Variants in PARP8 observed in about 807,000 individuals in gnomAD.
PARP8 encodes the protein poly(ADP-ribose) polymerase family member 8.
A neutral mutation model predicts 124.1 loss-of-function variants in PARP8; 51 were observed. The observed-to-expected ratio is 0.41, with a 90% CI of 0.33 to 0.52. The LOEUF (loss-of-function observed/expected upper bound fraction) is 0.52. PARP8 is among the 20% of genes least tolerant of loss of function. The pLI, the probability that PARP8 is intolerant of heterozygous loss-of-function variation, is 0.21. For synonymous variants in PARP8, 391 were observed against 361.5 expected, an observed-to-expected ratio of 1.08 and a Z score of -0.93; for missense variants, 860 against 1,018.9, an observed-to-expected ratio of 0.84 and a Z score of 2.12.
intron 2 of PARP8, among the ~76,000 whole-genome samples, chr5:50,677,278 A>AT (rs1354673826): frequency 6.6e-6 from 1 of 150,476 alleles, no homozygotes; most frequent in Non-Finnish European, 1.5e-5. Flanking sequence ...TGCAGTCATC[A>AT]TTTCTCATTA....
chr5:50,830,723 T>TACAG (rs1408465545), intron 22 of PARP8, among the ~76,000 whole-genome samples: 2 of 152,228 alleles, frequency 1.3e-5, no homozygotes, highest in Non-Finnish European at 2.9e-5. Flanking sequence ...TCTCCTTTAC[T>TACAG]ACAGCTTCAG....
At chr5:50,676,046 A>G (rs904436821) in intron 2 of PARP8, among the ~76,000 whole-genome samples, 51 of 152,244 alleles carry the variant, frequency 3.3e-4, no homozygotes, top group Admixed American at 2.0e-4. Flanking sequence ...AAACAATATA[A>G]AACAGTTTTA....
intron 2 of PARP8, among the ~76,000 whole-genome samples, chr5:50,693,709 GA>G (rs1289254658): frequency 4.0e-5 from 6 of 151,088 alleles, no homozygotes; most frequent in African/African-American, 7.3e-5. Flanking sequence ...TCATTTGATT[GA>G]ATTATATAAT....
At chr5:50,740,498 G>A (rs1339384621) in intron 2 of PARP8, among the ~76,000 whole-genome samples, 1 of 152,170 alleles carries the variant, frequency 6.6e-6, no homozygotes, top group Non-Finnish European at 1.5e-5. Flanking sequence ...CGCATAGATA[G>A]GGAAGGTCTT....
At chr5:50,696,894 C>T (rs1435221584) in intron 2 of PARP8, among the ~76,000 whole-genome samples, 2 of 152,138 alleles carry the variant, frequency 1.3e-5, no homozygotes, top group Non-Finnish European at 1.5e-5. Flanking sequence ...TTGGACTTAA[C>T]TGTTCTTGCC....
At chr5:50,744,604 A>G (rs1275575539) in intron 2 of PARP8, 1 of 571,874 alleles carries the variant, frequency 1.7e-6, no homozygotes, top group African/African-American at 1.9e-5. Context: ...AGAACCATGC[A>G]TCACACTGTT....
Position 50,809,270 on chromosome 5 carries a change from A to T in PARP8, c.1576-6162A>T, listed in dbSNP as rs182864961. 7.2e-5 allele frequency among the ~76,000 whole-genome samples: 11 copies of T among 152,206 alleles called. No individual in the cohort carries two copies. In the East Asian group the frequency reaches 9.6e-4, roughly 13 times the overall value. ...GCATTGACTATAAAACTGTAAATAC[A>T]GAGAATTAAAGGCTTCTAAGTTTGT... On this transcript the variant is annotated intron_variant, in intron 14 of 25. Coordinates refer to ENST00000281631, the MANE Select transcript of PARP8 (RefSeq NM_024615.4).
At chr5:50,712,669 G>C (rs1383001933) in intron 2 of PARP8, among the ~76,000 whole-genome samples, 1 of 152,026 alleles carries the variant, frequency 6.6e-6, no homozygotes, top group Non-Finnish European at 1.5e-5. Context: ...GAGCAGGGAT[G>C]AGATAAAGCA....
At chr5:50,734,036 TTTG>T (rs1387993102) in intron 2 of PARP8, among the ~76,000 whole-genome samples, 1 of 152,234 alleles carries the variant, frequency 6.6e-6, no homozygotes, top group Non-Finnish European at 1.5e-5. Flanking sequence ...AGTGACATAC[TTTG>T]TTATGAAAAA....
chr5:50,784,772 GT>G (rs1182190102), intron 9 of PARP8, among the ~76,000 whole-genome samples: 2 of 151,712 alleles, frequency 1.3e-5, no homozygotes, highest in South Asian at 2.1e-4. Flanking sequence ...TGTTGTTGTT[GT>G]TTTTTGTTTG....
chr5:50,793,883 A>C (rs1472103244), intron 10 of PARP8, among the ~76,000 whole-genome samples: 2 of 152,106 alleles, frequency 1.3e-5, no homozygotes, highest in African/African-American at 4.8e-5. Flanking sequence ...GTTGATCCTG[A>C]AGGCCGTCTT....
chr5:50,751,974 A>T (rs554339690), intron 3 of PARP8, among the ~76,000 whole-genome samples: 2 of 152,136 alleles, frequency 1.3e-5, no homozygotes, highest in Non-Finnish European at 2.9e-5. Context: ...CCTTTCCAAC[A>T]TTTATACCTG....
At position 50,709,844 on chromosome 5, in the gene PARP8, A is replaced by AGTGTGT. The variant is rs35238386; in HGVS notation, c.147-40280_147-40275dup. Among the ~76,000 whole-genome samples, 297 of 127,918 alleles carry AGTGTGT rather than the reference A, an allele frequency of 2.3e-3. 1 individual carries two copies. Among genetic ancestry groups the AGTGTGT allele is most frequent in the African/African-American group, 8.0e-3 (277 of 34,840 alleles). The allele number at this position is 127,918 out of a possible 152,430, so 83.9% of individuals were successfully genotyped here. On this transcript the variant is annotated intron_variant, in intron 2 of 25. Transcript: ENST00000281631. ...TGGATGGATGGACTGTTTGTACAAG[A>AGTGTGT]GTGTGTGTGTGTGTGTGTGTGTGTG... is the stretch of plus-strand genomic sequence containing the variant.
At chr5:50,761,125 C>T (rs1760495934) in intron 5 of PARP8, among the ~76,000 whole-genome samples, 1 of 152,044 alleles carries the variant, frequency 6.6e-6, no homozygotes, top group Non-Finnish European at 1.5e-5. Flanking sequence ...GGTTACAAAA[C>T]ACTGGATGAA....
intron 23 of PARP8, 76 bp downstream of exon 23, chr5:50,832,930 G>A: frequency 7.4e-7 from 1 of 1,346,314 alleles, no homozygotes; most frequent in Non-Finnish European, 1.0e-6. Flanking sequence ...TGGAAAAATA[G>A]GCTTTTTAAG....
At chr5:50,796,955 CA>C (rs781495521) in intron 12 of PARP8, 26 bp from the exon 13 acceptor site, 11 of 1,575,054 alleles carry the variant, frequency 7.0e-6, no homozygotes, top group Non-Finnish European at 9.5e-6. Context: ...AAAAAATTAT[CA>C]TTTTTTTTTA....
At chr5:50,833,328 A>G (rs1747193228) in intron 23 of PARP8, 1 of 398,362 alleles carries the variant, frequency 2.5e-6, no homozygotes, top group African/African-American at 2.1e-5. Context: ...CAAGACCTAC[A>G]GATGATGAGT....
At position 50,666,896 on chromosome 5, in the gene PARP8, G is replaced by C. The variant is rs1201898281; in HGVS notation, c.-200G>C. On this transcript the variant is annotated 5_prime_UTR_variant, in exon 1 of 26. Coordinates refer to ENST00000281631, the MANE Select transcript of PARP8 (RefSeq NM_024615.4). ...CGGTCACATCTGGGAATGCAAAGCC[G>C]ACCTCCCCCTCCTCCTCCTCCTCCC... 2 of 1,353,928 alleles carry C rather than the reference G, an allele frequency of 1.5e-6. No homozygotes were observed. Among genetic ancestry groups the C allele is most frequent in the Non-Finnish European group, 1.9e-6 (2 of 1,063,350 alleles). The allele number at this position is 1,353,928 out of a possible 1,614,324, so 83.9% of individuals were successfully genotyped here.
intron 14 of PARP8, among the ~76,000 whole-genome samples, chr5:50,807,391 A>T (rs975468406): frequency 4.6e-5 from 7 of 152,070 alleles, no homozygotes; most frequent in African/African-American, 1.7e-4. Context: ...TTGTTCAGGA[A>T]GTCCTGGATT....
Sources: allele counts gnomAD v4.1 joint callset (sites outside exome capture counted in the v4.1 genomes callset), GRCh38; gene constraint gnomAD v4.1.1; transcripts MANE v1.5; gene names NCBI Gene and HGNC (gene_info 2026-07-23, HGNC 2026-07-21).